PELP1: variants seen among roughly 807,000 people sequenced by gnomAD.
PELP1 encodes proline, glutamate and leucine rich protein 1, also known as proline-, glutamic acid- and leucine-rich protein 1.
In PELP1, 32 loss-of-function variants were observed where a neutral mutation model predicts 95.5. The ratio of observed to expected loss-of-function variants is 0.34; its 90% CI spans 0.25 to 0.45. PELP1 has a LOEUF of 0.45. Among genes scored for constraint, PELP1 ranks in the 20% least tolerant of loss-of-function variants. The pLI is 1.00. For synonymous variants in PELP1, 668 were observed against 600.1 expected, an observed-to-expected ratio of 1.11 and a Z score of -1.65; for missense variants, 1,358 against 1,444.8, an observed-to-expected ratio of 0.94 and a Z score of 0.97.
intron 1 of PELP1, among the ~76,000 whole-genome samples, chr17:4,693,198 G>C (rs1324386492): frequency 6.6e-6 from 1 of 152,152 alleles, no homozygotes; most frequent in Non-Finnish European, 1.5e-5. Flanking sequence ...ATATACCCAA[G>C]AGAAATGAAA....
Position 4,673,760 on chromosome 17 carries a change from T to C in PELP1, c.1583-86A>G, listed in dbSNP as rs1433574417. 2.7e-6 allele frequency: 3 copies of C among 1,110,064 alleles called. No homozygotes were observed. Among genetic ancestry groups the C allele is most frequent in the Non-Finnish European group, 2.8e-6 (2 of 720,464 alleles). 68.8% of individuals were successfully genotyped at this position (1,110,064 alleles called of 1,614,324 possible). A position where few individuals can be genotyped will look rare whatever the true frequency, so the allele number is the denominator to read the frequency against. ...TGAAGCATACAGCCCAAAATGGGCATCAACTCTGCCACTGCCTATCTTGGC... is the reference window on the plus strand; with the variant it reads ...TGAAGCATACAGCCCAAAATGGGCACCAACTCTGCCACTGCCTATCTTGGC... On this transcript the variant is annotated intron_variant, in intron 13 of 16. Coordinates refer to ENST00000572293, the MANE Select transcript of PELP1 (RefSeq NM_014389.3). The surrounding 1 kb of genome is among the most constrained non-coding windows in gnomAD (Gnocchi z 5.7).
At chr17:4,682,649 C>T (rs1912733111) in intron 4 of PELP1, 76 bp from the exon 5 acceptor site, 7 of 1,447,360 alleles carry the variant, frequency 4.8e-6, no homozygotes, top group Non-Finnish European at 6.8e-6. Context: ...CAGCACCCCA[C>T]AAGGGCCCTT....
intron 1 of PELP1, among the ~76,000 whole-genome samples, chr17:4,693,350 G>A (rs1031349440): frequency 2.6e-5 from 4 of 152,190 alleles, no homozygotes; most frequent in Admixed American, 6.5e-5. Flanking sequence ...TCTGCAGGGG[G>A]TGCTTCCAAA....
chr17:4,685,257 C>T (rs1912864163), intron 3 of PELP1, among the ~76,000 whole-genome samples: 1 of 152,128 alleles, frequency 6.6e-6, no homozygotes, highest in African/African-American at 2.4e-5. Flanking sequence ...TCAGGAGGCA[C>T]ACACGGAAAT....
At chr17:4,688,502 G>A (rs758656283) in intron 3 of PELP1, among the ~76,000 whole-genome samples, 1 of 152,060 alleles carries the variant, frequency 6.6e-6, no homozygotes, top group South Asian at 2.1e-4. Flanking sequence ...AAAGTTTCAG[G>A]ATACAAAATC....
At chr17:4,682,372 G>T in intron 5 of PELP1, 130 bp downstream of exon 5, 1 of 666,164 alleles carries the variant, frequency 1.5e-6, no homozygotes, top group Non-Finnish European at 2.7e-6. Flanking sequence ...AGTGGTAGAA[G>T]TGTACTTGTG....
rs1176079499 is a variant in PELP1 at position 4,673,922 on chromosome 17, A to C, written c.1583-248T>G. The C allele has an allele frequency of 6.0e-6, 3 of 496,620 alleles. No individual in the cohort carries two copies. The highest frequency in any genetic ancestry group is 5.8e-5 in the African/African-American group (3 of 52,038). The allele number at this position is 496,620 out of a possible 1,614,324, so 30.8% of individuals were successfully genotyped here. A position where few individuals can be genotyped will look rare whatever the true frequency, so the allele number is the denominator to read the frequency against. ...ATAATTTTGCATTTATATATTTGGGAACAATCGGTTCTCCCCTTCCCATGG... is the reference window on the plus strand; with the variant it reads ...ATAATTTTGCATTTATATATTTGGGCACAATCGGTTCTCCCCTTCCCATGG... On this transcript the variant is annotated intron_variant, in intron 13 of 16. Coordinates refer to ENST00000572293, the MANE Select transcript of PELP1 (RefSeq NM_014389.3). The surrounding 1 kb of genome is among the most constrained non-coding windows in gnomAD (Gnocchi z 5.7).
Position 4,671,680 on chromosome 17 carries a change from T to C in PELP1, c.3300+11A>G. The C allele has an allele frequency of 6.3e-7, 1 of 1,585,694 alleles. No homozygotes were observed. Among genetic ancestry groups the C allele is most frequent in the Non-Finnish European group, 8.5e-7 (1 of 1,169,610 alleles). On this transcript the variant is annotated intron_variant, in intron 16 of 16. Transcript: ENST00000572293. Reference sequence around the variant, plus strand: ...TCTCGCCCAAGGAACCTTCCCTGCCTGGCCTCTCACCTTTTCCTGGAGAGC... The same window carrying C: ...TCTCGCCCAAGGAACCTTCCCTGCCCGGCCTCTCACCTTTTCCTGGAGAGC...
In PELP1 at chr17:4,673,723, G is replaced by A. The variant is rs755596795; in HGVS notation, c.1583-49C>T. 20 of 1,535,416 alleles carry A rather than the reference G, an allele frequency of 1.3e-5. No homozygotes were observed. Among genetic ancestry groups the A allele is most frequent in the Admixed American group, 1.0e-4 (6 of 59,916 alleles). On this transcript the variant is annotated intron_variant, in intron 13 of 16. Transcript: ENST00000572293. This position sits in a 1 kb window ranked among gnomAD's most constrained non-coding sequence, Gnocchi z 5.7. Reference sequence around the variant, plus strand: ...AAGGGTAGGCTCCCAACAGACTGACGGCAAGGGCTTCTGAAGCATACAGCC... The same window carrying A: ...AAGGGTAGGCTCCCAACAGACTGACAGCAAGGGCTTCTGAAGCATACAGCC...
intron 1 of PELP1, among the ~76,000 whole-genome samples, chr17:4,700,302 G>C (rs1011505354): frequency 2.6e-5 from 4 of 152,146 alleles, no homozygotes; most frequent in African/African-American, 9.7e-5. Flanking sequence ...CATTTTGGGA[G>C]GCTGAGGCAG....
intron 1 of PELP1, among the ~76,000 whole-genome samples, chr17:4,695,930 G>C (rs1387924488): frequency 6.6e-6 from 1 of 151,424 alleles, no homozygotes; most frequent in Admixed American, 6.6e-5. Flanking sequence ...GCCTCCGAAA[G>C]TGCTGGGATT....
rs117631204 is a variant in PELP1, at chr17:4,697,333, C to T, written c.250-5891G>A. Among the ~76,000 whole-genome samples the T allele has an allele frequency of 2.2e-4, 34 of 152,194 alleles. No homozygotes were observed. In the East Asian group the frequency reaches 5.8e-3, roughly 26 times the overall value. On this transcript the variant is annotated intron_variant, in intron 1 of 16. Transcript: ENST00000572293. The stretch of plus-strand genomic sequence containing the variant: ...TTCAAGACCAGCCTCAGCAACATAG[C>T]GAGACCTTGTTTCTACTAAAAATCA...
chr17:4,678,177 G>A (rs1289612891), intron 5 of PELP1, among the ~76,000 whole-genome samples: 1 of 151,952 alleles, frequency 6.6e-6, no homozygotes, highest in Non-Finnish European at 1.5e-5. Flanking sequence ...TCACGCCACT[G>A]CACTCTAGCC....
Position 4,671,476 on chromosome 17 carries a change from T to A in PELP1, c.3356A>T (p.Asp1119Val). 1 of 1,609,394 alleles carries A rather than the reference T, an allele frequency of 6.2e-7. No individual in the cohort carries two copies. The highest frequency in any genetic ancestry group is 1.7e-4 in the Middle Eastern group (1 of 6,048). ...LADFIDCPPD[D>V]EKPPPPTEPD... ...CTCTGTGGGAGGTGGTGGCTTCTCA[T>A]CATCAGGGGGACAATCGATGAAGTC... Residue 1119 changes from aspartate (D) to valine (V), a missense_variant, in exon 17 of 17, where the codon GAT becomes GTT. Physicochemically the swap from Asp to Val is radical, Grantham distance 152. This residue lies in a region of PELP1 where 283 missense variants were observed against 284.1 expected (regional missense o/e 1.00). Coordinates refer to ENST00000572293, the MANE Select transcript of PELP1 (RefSeq NM_014389.3).
intron 3 of PELP1, among the ~76,000 whole-genome samples, chr17:4,685,865 G>A (rs938164328): frequency 2.2e-4 from 33 of 151,926 alleles, no homozygotes; most frequent in African/African-American, 7.5e-4. Context: ...GGAAGGCCAA[G>A]GTGGGTGGAT....
chr17:4,698,938 C>A (rs958298300), intron 1 of PELP1, among the ~76,000 whole-genome samples: 2 of 152,112 alleles, frequency 1.3e-5, no homozygotes, highest in African/African-American at 4.8e-5. Context: ...CAACTTACTC[C>A]TAAATGGACC....
chr17:4,698,951 G>GA (rs1913413516), intron 1 of PELP1, among the ~76,000 whole-genome samples: 1 of 152,064 alleles, frequency 6.6e-6, no homozygotes, highest in African/African-American at 2.4e-5. Flanking sequence ...AATGGACCCA[G>GA]AAAAAATATC....
At chr17:4,701,806 T>C (rs1913551435) in intron 1 of PELP1, among the ~76,000 whole-genome samples, 1 of 152,216 alleles carries the variant, frequency 6.6e-6, no homozygotes, top group African/African-American at 2.4e-5. Flanking sequence ...TAAATGTTTG[T>C]TGAATGAAAC....
In PELP1 at chr17:4,703,289, A is replaced by G. The variant is rs575795049; in HGVS notation, c.249+574T>C. On this transcript the variant is annotated intron_variant, in intron 1 of 16. Coordinates refer to ENST00000572293, the MANE Select transcript of PELP1 (RefSeq NM_014389.3). ...CTCCTCTGACTGAACAGCCCCTCCCATATTTTTTCCCTACCCAACCCCTAT... is the reference window on the plus strand; with the variant it reads ...CTCCTCTGACTGAACAGCCCCTCCCGTATTTTTTCCCTACCCAACCCCTAT... 2.6e-5 allele frequency among the ~76,000 whole-genome samples: 4 copies of G among 152,054 alleles called. No homozygotes were observed. In the South Asian group the frequency reaches 6.2e-4, roughly 24 times the overall value.
Sources: allele counts gnomAD v4.1 joint callset (sites outside exome capture counted in the v4.1 genomes callset), GRCh38; gene constraint gnomAD v4.1.1; regional missense constraint gnomAD v4.1.1; non-coding constraint Gnocchi (gnomAD v3.1); transcripts MANE v1.5; gene names NCBI Gene and HGNC (gene_info 2026-07-23, HGNC 2026-07-21).